The following RAP1GAP variants were observed in gnomAD, a reference collection of about 807,000 sequenced individuals.
RAP1GAP encodes the protein RAP1 GTPase activating protein, also known as rap1 GTPase-activating protein 1.
Under a neutral mutation model 87.2 loss-of-function variants are expected in RAP1GAP, and 35 were observed. That is an observed-to-expected ratio of 0.40 (90% CI 0.31 to 0.53). RAP1GAP has a LOEUF of 0.53. RAP1GAP is among the 20% of genes least tolerant of loss of function. The pLI is 0.48. For missense variants in RAP1GAP, 734 were observed against 898.9 expected (o/e 0.82, Z 2.35); for synonymous variants, 375 against 363.9 (o/e 1.03, Z -0.35).
chr1:21,597,888 C>G, intron 23 of RAP1GAP, 73 bp downstream of exon 23: 1 of 1,504,784 alleles, frequency 6.6e-7, no homozygotes, highest in Admixed American at 2.0e-5. Context: ...AGCCTCAGCT[C>G]CCAGCCTCCC....
In RAP1GAP at chr1:21,603,656, A is replaced by G; in HGVS notation, c.1429-743T>C. 1 of 776,426 alleles carries G rather than the reference A, an allele frequency of 1.3e-6. No individual in the cohort carries two copies. The highest frequency in any genetic ancestry group is 2.3e-6 in the Non-Finnish European group (1 of 432,804). The allele number at this position is 776,426 out of a possible 1,614,324, so 48.1% of individuals were successfully genotyped here. ...GAGGGGCACTGGCTCTGGCACAGGT[A>G]CCAGGCCCCAAAGCAGGTGCTGAGT... On this transcript the variant is annotated intron_variant, in intron 18 of 24. Transcript: ENST00000374765. The surrounding 1 kb of genome is among the most constrained non-coding windows in gnomAD (Gnocchi z 6.0).
chr1:21,649,913 GT>G, intron 1 of RAP1GAP, 117 bp from the exon 2 acceptor site: 1 of 1,061,330 alleles, frequency 9.4e-7, no homozygotes, highest in Non-Finnish European at 1.4e-6. Flanking sequence ...AGAAGGTCCT[GT>G]TTCTAAGGAT....
At chr1:21,621,838 T>C (rs927323264) in intron 3 of RAP1GAP, among the ~76,000 whole-genome samples, 4 of 152,136 alleles carry the variant, frequency 2.6e-5, no homozygotes, top group East Asian at 1.9e-4. Context: ...CCTTGTTGCA[T>C]TGGGAATCAG....
intron 20 of RAP1GAP, among the ~76,000 whole-genome samples, chr1:21,601,425 G>T (rs993479846): frequency 2.0e-5 from 3 of 152,234 alleles, no homozygotes; most frequent in African/African-American, 7.2e-5. Context: ...ATGAGGCCGC[G>T]TTCTGATGGA....
At chr1:21,650,639 G>A (rs909910092) in intron 1 of RAP1GAP, among the ~76,000 whole-genome samples, 28 of 152,356 alleles carry the variant, frequency 1.8e-4, no homozygotes, top group African/African-American at 6.7e-4. Context: ...AGGGACAGCT[G>A]ATGGGGAAGG....
chr1:21,604,329 A>G (rs1570498895), intron 18 of RAP1GAP, among the ~76,000 whole-genome samples: 1 of 130,492 alleles, frequency 7.7e-6, no homozygotes, highest in East Asian at 2.1e-4. Flanking sequence ...GGAGAAGGGA[A>G]GGAGGAGAGG....
At chr1:21,624,294 G>A (rs535856454) in intron 3 of RAP1GAP, among the ~76,000 whole-genome samples, 1 of 152,290 alleles carries the variant, frequency 6.6e-6, no homozygotes, top group East Asian at 1.9e-4. Context: ...ATGTAATGAC[G>A]CTGATAAGAG....
Position 21,668,930 on chromosome 1 carries a change from G to T in RAP1GAP, c.-149+324C>A, listed in dbSNP as rs2097482425. 6.6e-6 allele frequency among the ~76,000 whole-genome samples: 1 copy of T among 151,546 alleles called. No homozygotes were observed. The highest frequency in any genetic ancestry group is 2.4e-5 in the African/African-American group (1 of 41,278). ...AAACCCCAGGCGCCCCCACCTCGAG[G>T]TGGGCGGAAAACTGGACTCCCCACC... On this transcript the variant is annotated intron_variant, in intron 1 of 24. Transcript: ENST00000374765. The surrounding 1 kb of genome is among the most constrained non-coding windows in gnomAD (Gnocchi z 6.2).
At chr1:21,637,086 G>A (rs35272791) in intron 2 of RAP1GAP, among the ~76,000 whole-genome samples, 27,334 of 151,598 alleles carry the variant, frequency 0.18, 3,084 homozygotes, top group Non-Finnish European at 0.25. Context: ...CGGGAGGAGC[G>A]GTGGGGGGTT....
intron 21 of RAP1GAP, 117 bp from the exon 22 acceptor site, chr1:21,598,619 C>A (rs892149857): frequency 2.5e-6 from 2 of 812,922 alleles, no homozygotes; most frequent in East Asian, 2.7e-5. Context: ...GTACCCTCTG[C>A]GAGGAGGACG....
chr1:21,607,885 C>T (rs2075751095), intron 17 of RAP1GAP, among the ~76,000 whole-genome samples: 1 of 151,492 alleles, frequency 6.6e-6, no homozygotes, highest in Non-Finnish European at 1.5e-5. Flanking sequence ...TCCATTAGCC[C>T]CGGCCCCTGA....
chr1:21,626,210 G>A (rs892775662), intron 3 of RAP1GAP, 94 bp downstream of exon 3: 18 of 1,157,576 alleles, frequency 1.6e-5, no homozygotes, highest in Non-Finnish European at 2.1e-5. Flanking sequence ...TTTTACCTTT[G>A]CCCAAAAGTC....
chr1:21,602,832 C>T lies in RAP1GAP; in HGVS notation c.1510G>A (p.Glu504Lys), dbSNP rs1003765503. Residue 504 changes from glutamate to lysine, a missense_variant, in exon 19 of 25, where the codon GAG (glutamate) becomes AAG (lysine). By Grantham distance (56) the Glu-to-Lys change is moderately conservative. Around this residue, in one of 2 missense-constraint regions of RAP1GAP, gnomAD observed 249 missense variants for 252.7 expected, o/e 0.99. Coordinates refer to ENST00000374765, the MANE Select transcript of RAP1GAP (RefSeq NM_002885.4). ...TTCTCCTGCACCTCCTGTATGTTCT[C>T]GATGCCAATGGCGCTGCTGCGGCGG... ...GSRRSSAIGIENIQEVQEKRE... is the reference protein window; with the variant it reads ...GSRRSSAIGIKNIQEVQEKRE... 2 of 1,610,264 alleles carry T rather than the reference C, an allele frequency of 1.2e-6. No individual in the cohort carries two copies.
chr1:21,613,574 C>T lies in RAP1GAP; in HGVS notation c.474+54G>A, dbSNP rs1478133802. ...CGCGCCAAGGCAAGCTGAAGCCCCACAGGTGCCCATCTGCGGAGCCAGCCC... is the reference window on the plus strand; with the variant it reads ...CGCGCCAAGGCAAGCTGAAGCCCCATAGGTGCCCATCTGCGGAGCCAGCCC... On this transcript the variant is annotated intron_variant, in intron 9 of 24. Transcript: ENST00000374765. This position sits in a 1 kb window ranked among gnomAD's most constrained non-coding sequence, Gnocchi z 4.7. 3.3e-6 allele frequency: 5 copies of T among 1,504,354 alleles called. No homozygotes were observed. The highest frequency in any genetic ancestry group is 1.4e-5 in the African/African-American group (1 of 72,404). The allele number at this position is 1,504,354 out of a possible 1,614,324, so 93.2% of individuals were successfully genotyped here.
intron 1 of RAP1GAP, among the ~76,000 whole-genome samples, chr1:21,664,465 C>T (rs2097271290): frequency 6.6e-6 from 1 of 152,182 alleles, no homozygotes; most frequent in East Asian, 1.9e-4. Flanking sequence ...CTACCCCCAC[C>T]TTCCATGAAT....
At chr1:21,604,854 TGG>T (rs2072843812) in intron 18 of RAP1GAP, among the ~76,000 whole-genome samples, 1 of 140,428 alleles carries the variant, frequency 7.1e-6, no homozygotes, top group Non-Finnish European at 1.5e-5. Flanking sequence ...GATGGATGGA[TGG>T]ATGGATGGAT....
chr1:21,620,087 CCCG>C, intron 3 of RAP1GAP, 37 bp from the exon 4 acceptor site: 1 of 1,611,604 alleles, frequency 6.2e-7, no homozygotes, highest in Non-Finnish European at 8.5e-7. Flanking sequence ...GTCAGCTGAT[CCCG>C]CCAAGCCCCA....
chr1:21,597,909 T>C, intron 23 of RAP1GAP, 52 bp downstream of exon 23: 1 of 1,525,044 alleles, frequency 6.6e-7, no homozygotes, highest in African/African-American at 1.4e-5. Context: ...CGCCAGCTCA[T>C]CCCCTCCCGG....
chr1:21,602,721 C>T lies in RAP1GAP; in HGVS notation c.1538+83G>A, dbSNP rs1020879999. 12 of 1,275,454 alleles carry T rather than the reference C, an allele frequency of 9.4e-6. No homozygotes were observed. In the African/African-American group the frequency reaches 1.6e-4, roughly 17 times the overall value. 79.0% of individuals were successfully genotyped at this position (1,275,454 alleles called of 1,614,324 possible). A position where few individuals can be genotyped will look rare whatever the true frequency, so the allele number is the denominator to read the frequency against. On this transcript the variant is annotated intron_variant, in intron 19 of 24. Coordinates refer to ENST00000374765, the MANE Select transcript of RAP1GAP (RefSeq NM_002885.4). ...GGAGAGGCAGAGGGGCGGGCACTCC[C>T]TTCTGCCTGCCTTGCTTTGCCACCG... is the stretch of plus-strand genomic sequence containing the variant.
Sources: gnomAD v4.1 joint callset for allele counts (sites outside exome capture counted in the v4.1 genomes callset) on GRCh38, gnomAD v4.1.1 for gene constraint, gnomAD v4.1.1 regional missense constraint, Gnocchi (gnomAD v3.1) non-coding constraint, MANE v1.5 for transcripts, NCBI Gene and HGNC (gene_info 2026-07-23, HGNC 2026-07-21) for gene names.